Variants in ZNF292 observed in about 807,000 individuals in gnomAD.
ZNF292 encodes the protein 16 zinc-finger domain protein.
A neutral mutation model predicts 217.9 loss-of-function variants in ZNF292; 26 were observed. The ratio of observed to expected loss-of-function variants is 0.12; its 90% CI spans 0.09 to 0.17. The LOEUF (loss-of-function observed/expected upper bound fraction) is 0.17. Among genes scored for constraint, ZNF292 ranks in the 10% least tolerant of loss-of-function variants. The probability of loss-of-function intolerance (pLI) is 1.00; values close to 1 mark genes in which losing one functional copy is unlikely to be tolerated. For missense variants in ZNF292, 2,904 were observed against 3,175.2 expected (o/e 0.91, Z 2.05); for synonymous variants, 1,257 against 1,124.1 (o/e 1.12, Z -2.37).
Position 87,215,892 on chromosome 6 carries a change from T to C in ZNF292, c.169-11T>C. 6.4e-7 allele frequency: 1 copy of C among 1,569,410 alleles called. No individual in the cohort carries two copies. Among genetic ancestry groups the C allele is most frequent in the Non-Finnish European group, 8.6e-7 (1 of 1,163,882 alleles). Reference sequence around the variant, plus strand: ...CATTTTGAATACTTTTTATTATTCCTTCCAAAACAGACACTCCTAGAATAT... The same window carrying C: ...CATTTTGAATACTTTTTATTATTCCCTCCAAAACAGACACTCCTAGAATAT... On this transcript the variant is annotated splice_polypyrimidine_tract_variant and intron_variant, in intron 1 of 7. Coordinates refer to ENST00000369577, the MANE Select transcript of ZNF292 (RefSeq NM_015021.3).
chr6:87,214,940 T>C (rs1289557248), intron 1 of ZNF292: 1 of 151,496 alleles, frequency 6.6e-6, no homozygotes, highest in Non-Finnish European at 1.5e-5. Context: ...TGCTTCTGTA[T>C]GCCAGAGGAT....
At chr6:87,172,611 C>G (rs1386062369) in intron 1 of ZNF292, among the ~76,000 whole-genome samples, 1 of 151,986 alleles carries the variant, frequency 6.6e-6, no homozygotes, top group Admixed American at 6.6e-5. Flanking sequence ...TTTCTAAATG[C>G]AGAATAACAT....
intron 1 of ZNF292, among the ~76,000 whole-genome samples, chr6:87,185,341 A>C (rs1771611851): frequency 6.6e-6 from 1 of 152,104 alleles, no homozygotes; most frequent in Non-Finnish European, 1.5e-5. Context: ...CGGGATTTTG[A>C]TATTTTGGAT....
At chr6:87,175,604 G>A (rs911321312) in intron 1 of ZNF292, among the ~76,000 whole-genome samples, 1 of 152,220 alleles carries the variant, frequency 6.6e-6, no homozygotes, top group African/African-American at 2.4e-5. Flanking sequence ...TTCCCAGAGT[G>A]CTAGGAGTAC....
At chr6:87,219,452 T>C (rs1029038031) in intron 4 of ZNF292, among the ~76,000 whole-genome samples, 35 of 152,194 alleles carry the variant, frequency 2.3e-4, no homozygotes, top group Admixed American at 1.7e-3. Flanking sequence ...GTAAGCTTCT[T>C]CCGTCATTTA....
intron 1 of ZNF292, among the ~76,000 whole-genome samples, chr6:87,191,649 T>C (rs1771825709): frequency 6.6e-6 from 1 of 152,192 alleles, no homozygotes; most frequent in African/African-American, 2.4e-5. Context: ...ATTACAATCA[T>C]GTCTCCTTGT....
rs1272943798 is a variant in ZNF292 at position 87,239,733 on chromosome 6, G to A, written c.742-3742G>A. On this transcript the variant is annotated intron_variant, in intron 5 of 7. Coordinates refer to ENST00000369577, the MANE Select transcript of ZNF292 (RefSeq NM_015021.3). ...CAGACGGGGTCGCGGCTGGGCAGAG[G>A]CGCTCCTCACATCCCAGATGGGGCG... 2.2e-4 allele frequency among the ~76,000 whole-genome samples: 30 copies of A among 138,914 alleles called. 3 individuals are homozygous for A. The East Asian group carries it at 5.9e-3, about 27-fold the overall frequency. The allele number at this position is 138,914 out of a possible 152,430, so 91.1% of individuals were successfully genotyped here.
At position 87,224,286 on chromosome 6, in the gene ZNF292, T is replaced by G. The variant is rs1382690711; in HGVS notation, c.538+5555T>G. Among the ~76,000 whole-genome samples, 5 of 152,242 alleles carry G rather than the reference T, an allele frequency of 3.3e-5. No homozygotes were observed. The South Asian group carries it at 6.2e-4, about 19-fold the overall frequency. ...GTAATATAGTTATTTTGTTGTATTC[T>G]GTATTCCATCTTGGGCTTCCTGAAC... is the stretch of plus-strand genomic sequence containing the variant. On this transcript the variant is annotated intron_variant, in intron 4 of 7. Coordinates refer to ENST00000369577, the MANE Select transcript of ZNF292 (RefSeq NM_015021.3).
chr6:87,169,867 T>G (rs1332924686), intron 1 of ZNF292: 1 of 225,724 alleles, frequency 4.4e-6, no homozygotes, highest in African/African-American at 2.3e-5. Flanking sequence ...AGACTGGTCT[T>G]GATCTCCTGG....
chr6:87,260,364 A>C lies in ZNF292; in HGVS notation c.6735A>C (p.Leu2245=). The part of the protein sequence containing the change: ...VHLEADHGIG[L]RASKTEEDGV... ...TAGAGGCAGACCACGGGATTGGACT[A>C]AGGGCAAGTAAAACAGAAGAAGATG... Residue 2245 remains leucine, a synonymous_variant, in exon 8 of 8, where the codon CTA becomes CTC. Transcript: ENST00000369577. 6.2e-7 allele frequency: 1 copy of C among 1,613,550 alleles called. No homozygotes were observed. Among genetic ancestry groups the C allele is most frequent in the Middle Eastern group, 1.7e-4 (1 of 6,056 alleles).
chr6:87,187,280 C>T (rs1183617905), intron 1 of ZNF292, among the ~76,000 whole-genome samples: 2 of 151,978 alleles, frequency 1.3e-5, no homozygotes, highest in African/African-American at 2.4e-5. Context: ...TGTTCAGTAA[C>T]TCACTTTACT....
chr6:87,239,209 G>A (rs1359977154), intron 5 of ZNF292, among the ~76,000 whole-genome samples: 2 of 152,226 alleles, frequency 1.3e-5, no homozygotes, highest in East Asian at 3.9e-4. Context: ...CCTCCCAGAC[G>A]GGGTGGCGGC....
chr6:87,155,942 C>T (rs1296859333), intron 1 of ZNF292, among the ~76,000 whole-genome samples, 183 bp downstream of exon 1: 1 of 152,220 alleles, frequency 6.6e-6, no homozygotes, highest in Non-Finnish European at 1.5e-5. Context: ...TTGTTGTCGT[C>T]TGCAGCTCCT....
chr6:87,243,400 A>G, intron 5 of ZNF292, 75 bp from the exon 6 acceptor site: 2 of 1,223,488 alleles, frequency 1.6e-6, no homozygotes, highest in Non-Finnish European at 2.1e-6. Context: ...ATATTTAATG[A>G]AAACTAAAGG....
chr6:87,233,555 TA>T (rs1179703105), intron 5 of ZNF292, 28 bp downstream of exon 5: 1 of 1,574,402 alleles, frequency 6.4e-7, no homozygotes, highest in African/African-American at 1.4e-5. Context: ...CATTAGTAAT[TA>T]TTTTTTAAGT....
chr6:87,257,733 A>T lies in ZNF292; in HGVS notation c.4104A>T (p.Ala1368=). ...PKHNKRAKWP[A]IIRDGKFICS... Reference sequence around the variant, plus strand: ...ACAACAAAAGGGCTAAATGGCCTGCAATTATCAGAGATGGGAAATTTATCT... The same window carrying T: ...ACAACAAAAGGGCTAAATGGCCTGCTATTATCAGAGATGGGAAATTTATCT... The change falls in exon 8 of 8, where the codon GCA becomes GCT. Residue 1368 remains alanine (A), a synonymous_variant. Coordinates refer to ENST00000369577, the MANE Select transcript of ZNF292 (RefSeq NM_015021.3). The T allele has an allele frequency of 1.2e-6, 2 of 1,613,686 alleles. No homozygotes were observed. Among genetic ancestry groups the T allele is most frequent in the South Asian group, 2.2e-5 (2 of 91,070 alleles).
At chr6:87,251,316 T>A (rs1418186662) in intron 7 of ZNF292, among the ~76,000 whole-genome samples, 1 of 152,190 alleles carries the variant, frequency 6.6e-6, no homozygotes, top group Non-Finnish European at 1.5e-5. Flanking sequence ...AGCATGATGT[T>A]ATGAGTGGGC....
intron 5 of ZNF292, among the ~76,000 whole-genome samples, chr6:87,234,866 G>A (rs1226757705): frequency 6.6e-6 from 1 of 151,898 alleles, no homozygotes. Context: ...ATGATTGTGT[G>A]ATTTTTTTTT....
intron 5 of ZNF292, among the ~76,000 whole-genome samples, chr6:87,236,620 A>C (rs1377470240): frequency 6.6e-6 from 1 of 152,144 alleles, no homozygotes; most frequent in East Asian, 1.9e-4. Context: ...AAAACTTTCT[A>C]TCTTGTATCT....
Sources: allele counts gnomAD v4.1 joint callset (sites outside exome capture counted in the v4.1 genomes callset), GRCh38; gene constraint gnomAD v4.1.1; transcripts MANE v1.5; gene names NCBI Gene and HGNC (gene_info 2026-07-23, HGNC 2026-07-21).